Variants in LRRCC1 observed in about 807,000 individuals in gnomAD.
LRRCC1 encodes the protein leucine-rich repeat and coiled-coil domain-containing protein 1.
In LRRCC1, 115 loss-of-function variants were observed where a neutral mutation model predicts 126.0. The observed-to-expected ratio is 0.91, with a 90% CI of 0.78 to 1.07. The LOEUF (loss-of-function observed/expected upper bound fraction) is 1.07. Among genes scored for constraint, LRRCC1 ranks in the 50% least tolerant of loss-of-function variants. The pLI is 0.00. For synonymous variants in LRRCC1, 400 were observed against 393.4 expected (o/e 1.02, Z -0.20); for missense variants, 1,172 against 1,175.7 (o/e 1.00, Z 0.05).
rs774329078 is a variant in LRRCC1, at chr8:85,123,575, C to T, written c.1093C>T (p.His365Tyr). 3.2e-6 allele frequency: 5 copies of T among 1,587,094 alleles called. No individual in the cohort carries two copies. Among genetic ancestry groups the T allele is most frequent in the South Asian group, 1.2e-5 (1 of 85,730 alleles). Residue 365 changes from histidine (H) to tyrosine (Y), a missense_variant, in exon 7 of 19, where the codon CAC (histidine) becomes TAC (tyrosine). Physicochemically the swap from His to Tyr is moderately conservative, Grantham distance 83. Coordinates refer to ENST00000360375, the MANE Select transcript of LRRCC1 (RefSeq NM_033402.5). ...TGCCAAAACCATTCAAACTATTAAGCACCACAATAAAAACTACAACTCTTT... is the reference window on the plus strand; with the variant it reads ...TGCCAAAACCATTCAAACTATTAAGTACCACAATAAAAACTACAACTCTTT... ...YDAKTIQTIKHHNKNYNSFVS... is the reference protein window; with the variant it reads ...YDAKTIQTIKYHNKNYNSFVS...
At chr8:85,128,112 T>C (rs1397244592) in intron 9 of LRRCC1, among the ~76,000 whole-genome samples, 1 of 152,202 alleles carries the variant, frequency 6.6e-6, no homozygotes, top group Admixed American at 6.5e-5. Context: ...AGGAGTTGTT[T>C]TTAATTTCAA....
chr8:85,134,932 C>A lies in LRRCC1; in HGVS notation c.2054C>A (p.Ser685Tyr). The A allele has an allele frequency of 6.3e-7, 1 of 1,595,978 alleles. No homozygotes were observed. Among genetic ancestry groups the A allele is most frequent in the South Asian group, 1.2e-5 (1 of 86,478 alleles). The change falls in exon 13 of 19, where the codon TCT (serine) becomes TAT (tyrosine). Residue 685 changes from serine (S) to tyrosine (Y), a missense_variant. Ser to Tyr is a moderately radical substitution (Grantham distance 144). Coordinates refer to ENST00000360375, the MANE Select transcript of LRRCC1 (RefSeq NM_033402.5). ...LIWAQRKENE[S>Y]SSLIKDLTCM... ...TGGGCTCAACGAAAAGAAAATGAGT[C>A]TTCCTCTTTAATTAAAGATCTGACC...
At chr8:85,107,486 C>A in intron 1 of LRRCC1, 87 bp downstream of exon 1, 2 of 1,138,900 alleles carry the variant, frequency 1.8e-6, no homozygotes, top group Non-Finnish European at 2.5e-6. Context: ...AGAGTGGAGG[C>A]GCGGCACTGC....
chr8:85,137,668 G>A, intron 15 of LRRCC1, 41 bp downstream of exon 15: 1 of 1,322,614 alleles, frequency 7.6e-7, no homozygotes. Context: ...GCAAATGGCA[G>A]GTTTGCAAAT....
At chr8:85,133,065 T>C (rs1187120958) in intron 12 of LRRCC1, among the ~76,000 whole-genome samples, 4 of 152,232 alleles carry the variant, frequency 2.6e-5, no homozygotes, top group African/African-American at 9.6e-5. Context: ...ATTGTGCATT[T>C]GCTGTCTTTG....
At chr8:85,124,972 T>C in intron 8 of LRRCC1, 33 bp downstream of exon 8, 2 of 1,484,496 alleles carry the variant, frequency 1.3e-6, no homozygotes, top group Non-Finnish European at 1.8e-6. Context: ...AAAATGAGTA[T>C]GAATAATTTT....
At chr8:85,135,647 A>T in intron 13 of LRRCC1, 142 bp from the exon 14 acceptor site, 1 of 480,612 alleles carries the variant, frequency 2.1e-6, no homozygotes, top group Middle Eastern at 6.0e-4. Context: ...TGTCTTTAGT[A>T]AAACTAAAAC....
intron 8 of LRRCC1, 87 bp downstream of exon 8, chr8:85,125,026 A>G (rs1809864323): frequency 1.1e-6 from 1 of 932,376 alleles, no homozygotes; most frequent in Admixed American, 3.2e-5. Flanking sequence ...TTATTAGCAA[A>G]AAGTGTTTGA....
chr8:85,129,817 A>C (rs1810309714), intron 10 of LRRCC1, 102 bp from the exon 11 acceptor site: 1 of 864,548 alleles, frequency 1.2e-6, no homozygotes, highest in African/African-American at 1.8e-5. Flanking sequence ...AAATCAACTT[A>C]GTCACCGGAC....
In LRRCC1 at chr8:85,115,194, T is replaced by C; in HGVS notation, c.639T>C (p.Asn213=). The change falls in exon 5 of 19, where the codon AAT becomes AAC. Residue 213 remains asparagine, a synonymous_variant. Coordinates refer to ENST00000360375, the MANE Select transcript of LRRCC1 (RefSeq NM_033402.5). ...FGEPVNLTEI[N]SSQLQCLEGL... ...AACCAGTAAATTTGACAGAAATAAA[T>C]TCATCACAGCTGCAGTGCCTAGAAG... The C allele has an allele frequency of 6.2e-7, 1 of 1,612,868 alleles. No individual in the cohort carries two copies. The highest frequency in any genetic ancestry group is 8.5e-7 in the Non-Finnish European group (1 of 1,179,236).
intron 1 of LRRCC1, 109 bp downstream of exon 1, chr8:85,107,508 C>A: frequency 1.1e-6 from 1 of 920,408 alleles, no homozygotes; most frequent in Non-Finnish European, 1.6e-6. Flanking sequence ...TTACCAAGAC[C>A]ATAAGTGAAC....
chr8:85,112,854 C>T, intron 3 of LRRCC1, 78 bp from the exon 4 acceptor site: 1 of 1,073,612 alleles, frequency 9.3e-7, no homozygotes, highest in Non-Finnish European at 1.3e-6. Context: ...AAAAGTATAA[C>T]CTATCTAGCA....
At position 85,138,116 on chromosome 8, in the gene LRRCC1, G is replaced by A; in HGVS notation, c.2575G>A (p.Asp859Asn). Reference protein sequence around the residue: ...EIEKCTQEQLDEKSSQLDEVL... With the variant: ...EIEKCTQEQLNEKSSQLDEVL... ...AGAAAAATGCACTCAAGAACAACTTGATGAAAAATCTTCACAACTGGATGA... is the reference window on the plus strand; with the variant it reads ...AGAAAAATGCACTCAAGAACAACTTAATGAAAAATCTTCACAACTGGATGA... The change falls in exon 16 of 19, where the codon GAT (aspartate) becomes AAT (asparagine). Residue 859 changes from aspartate (D) to asparagine (N), a missense_variant. Transcript: ENST00000360375. 2.5e-6 allele frequency: 4 copies of A among 1,607,646 alleles called. No individual in the cohort carries two copies. Among genetic ancestry groups the A allele is most frequent in the Non-Finnish European group, 3.4e-6 (4 of 1,176,450 alleles).
chr8:85,109,936 C>G (rs923426075), intron 2 of LRRCC1, 136 bp downstream of exon 2: 2 of 623,216 alleles, frequency 3.2e-6, no homozygotes, highest in South Asian at 2.7e-5. Flanking sequence ...ATATTTTCTC[C>G]AAAAAAGTGT....
chr8:85,126,585 T>C (rs1810017334), intron 8 of LRRCC1, 104 bp from the exon 9 acceptor site: 1 of 933,716 alleles, frequency 1.1e-6, no homozygotes, highest in African/African-American at 1.7e-5. Flanking sequence ...ACTGTAGCTC[T>C]TTGAAGTAGG....
rs1479520766 is a variant in LRRCC1 at position 85,109,711 on chromosome 8, C to G, written c.221C>G (p.Ser74Cys). The change falls in exon 2 of 19, where the codon TCT becomes TGT. Residue 74 changes from serine (S) to cysteine (C), a missense_variant. Physicochemically the swap from Ser to Cys is moderately radical, Grantham distance 112. Coordinates refer to ENST00000360375, the MANE Select transcript of LRRCC1 (RefSeq NM_033402.5). ...IWNLQHLDLS[S>C]NQISRIEGLN... The stretch of plus-strand genomic sequence containing the variant: ...AATTTACAACATCTAGATCTGTCAT[C>G]TAATCAAATAAGTAGAATTGAAGGA... 6.2e-7 allele frequency: 1 copy of G among 1,602,094 alleles called. No homozygotes were observed. Among genetic ancestry groups the G allele is most frequent in the Non-Finnish European group, 8.6e-7 (1 of 1,169,476 alleles).
intron 9 of LRRCC1, among the ~76,000 whole-genome samples, chr8:85,127,637 G>T (rs1367541655): frequency 6.6e-6 from 1 of 152,130 alleles, no homozygotes; most frequent in East Asian, 1.9e-4. Context: ...CCCAGTTCCC[G>T]ATTTCTTTTA....
At chr8:85,123,241 GT>G (rs1185910661) in intron 6 of LRRCC1, among the ~76,000 whole-genome samples, 171 bp from the exon 7 acceptor site, 1 of 152,094 alleles carries the variant, frequency 6.6e-6, no homozygotes, top group African/African-American at 2.4e-5. Flanking sequence ...AGTCAACATG[GT>G]AGAAGCTTGC....
At chr8:85,122,462 A>G (rs938563300) in intron 6 of LRRCC1, among the ~76,000 whole-genome samples, 16 of 152,196 alleles carry the variant, frequency 1.1e-4, no homozygotes, top group Non-Finnish European at 2.9e-5. Flanking sequence ...AATAACTTCC[A>G]TTGAACTAGG....
Sources: gnomAD v4.1 joint callset for allele counts (sites outside exome capture counted in the v4.1 genomes callset) on GRCh38, gnomAD v4.1.1 for gene constraint, MANE v1.5 for transcripts, NCBI Gene and HGNC (gene_info 2026-07-23, HGNC 2026-07-21) for gene names.